The following ZNF429 variants were observed in gnomAD, a reference collection of about 807,000 sequenced individuals.
ZNF429 encodes zinc finger protein 429.
A neutral mutation model predicts 56.8 loss-of-function variants in ZNF429; 53 were observed. The ratio of observed to expected loss-of-function variants is 0.93; its 90% CI spans 0.75 to 1.17. The LOEUF (loss-of-function observed/expected upper bound fraction) is 1.17. ZNF429 is among the 50% of genes most tolerant of loss of function. ZNF429 has a pLI of 0.00. For synonymous variants in ZNF429, 278 were observed against 264.7 expected (o/e 1.05, Z -0.49); for missense variants, 849 against 788.4 (o/e 1.08, Z -0.92).
At position 21,528,001 on chromosome 19, in the gene ZNF429, T is replaced by G. The variant is rs558125592; in HGVS notation, c.4-1657T>G. Reference sequence around the variant, plus strand: ...CCTCCCTAATGAGTTTAACTACTTTTTAAAATTCTTATGATAGTCAAGGGT... The same window carrying G: ...CCTCCCTAATGAGTTTAACTACTTTGTAAAATTCTTATGATAGTCAAGGGT... On this transcript the variant is annotated intron_variant, in intron 1 of 3. Coordinates refer to ENST00000358491, the MANE Select transcript of ZNF429 (RefSeq NM_001001415.4). 7.2e-5 allele frequency among the ~76,000 whole-genome samples: 11 copies of G among 152,338 alleles called. No homozygotes were observed. In the South Asian group the frequency reaches 2.3e-3, roughly 32 times the overall value.
intron 1 of ZNF429, among the ~76,000 whole-genome samples, chr19:21,523,160 T>C (rs1306848381): frequency 6.6e-6 from 1 of 152,158 alleles, no homozygotes; most frequent in East Asian, 1.9e-4. Flanking sequence ...CACTTTCCCC[T>C]TCCTCCTCTT....
rs1032018732 is a variant in ZNF429, at chr19:21,539,237, GAT to G, written c.*1162_*1163del. ...TACATGTATTAAATACATAGAATAT[GAT>G]ATTTAATACATAGAAAAGTCTACAT... On this transcript the variant is annotated 3_prime_UTR_variant, in exon 4 of 4. Coordinates refer to ENST00000358491, the MANE Select transcript of ZNF429 (RefSeq NM_001001415.4). Among the ~76,000 whole-genome samples, 2 of 151,904 alleles carry G rather than the reference GAT, an allele frequency of 1.3e-5. No individual in the cohort carries two copies. Among genetic ancestry groups the G allele is most frequent in the Non-Finnish European group, 2.9e-5 (2 of 67,990 alleles).
At chr19:21,515,832 A>G (rs980778915) in intron 1 of ZNF429, among the ~76,000 whole-genome samples, 3 of 152,152 alleles carry the variant, frequency 2.0e-5, no homozygotes, top group African/African-American at 7.2e-5. Flanking sequence ...AGCACTATTT[A>G]TTAAACAGAA....
chr19:21,511,152 G>T (rs1446281176), intron 1 of ZNF429, among the ~76,000 whole-genome samples: 1 of 152,066 alleles, frequency 6.6e-6, no homozygotes, highest in Non-Finnish European at 1.5e-5. Flanking sequence ...TCCCAGAAGG[G>T]GCGGCCAGGC....
chr19:21,524,602 C>T (rs763864943), intron 1 of ZNF429, among the ~76,000 whole-genome samples: 12 of 152,076 alleles, frequency 7.9e-5, no homozygotes, highest in East Asian at 3.9e-4. Flanking sequence ...CAAATCAGGA[C>T]GGGTGATCCA....
At position 21,537,279 on chromosome 19, in the gene ZNF429, C is replaced by T; in HGVS notation, c.1226C>T (p.Ser409Phe). Reference protein sequence around the residue: ...FEKCGRVFTCSSTLTQDKKIH... With the variant: ...FEKCGRVFTCFSTLTQDKKIH... ...AAATGTGGCAGAGTTTTTACCTGTT[C>T]CTCAACACTTACTCAAGACAAGAAA... The change falls in exon 4 of 4, where the codon TCC becomes TTC. Residue 409 changes from serine to phenylalanine, a missense_variant. By Grantham distance (155) the Ser-to-Phe change is radical (BLOSUM62 -2). Transcript: ENST00000358491. 1 of 1,613,750 alleles carries T rather than the reference C, an allele frequency of 6.2e-7. No homozygotes were observed. Among genetic ancestry groups the T allele is most frequent in the Non-Finnish European group, 8.5e-7 (1 of 1,179,928 alleles).
In ZNF429 at chr19:21,536,420, T is replaced by A; in HGVS notation, c.367T>A (p.Cys123Ser). The A allele has an allele frequency of 6.2e-7, 1 of 1,613,916 alleles. No homozygotes were observed. The highest frequency in any genetic ancestry group is 2.2e-5 in the East Asian group (1 of 44,810). The change falls in exon 4 of 4, where the codon TGT becomes AGT. Residue 123 changes from cysteine (C) to serine (S), a missense_variant. Coordinates refer to ENST00000358491, the MANE Select transcript of ZNF429 (RefSeq NM_001001415.4). Reference sequence around the variant, plus strand: ...AAAAGGCTATAAAACTGTAGGTGATTGTAAGCTATACAAAGGAGGTTATAA... The same window carrying A: ...AAAAGGCTATAAAACTGTAGGTGATAGTAAGCTATACAAAGGAGGTTATAA... ...LRKGYKTVGDCKLYKGGYNGL... is the reference protein window; with the variant it reads ...LRKGYKTVGDSKLYKGGYNGL...
At chr19:21,527,698 G>T (rs918224699) in intron 1 of ZNF429, among the ~76,000 whole-genome samples, 4 of 152,160 alleles carry the variant, frequency 2.6e-5, no homozygotes, top group African/African-American at 9.7e-5. Context: ...ACAGAAATGG[G>T]TGGACTTTTT....
chr19:21,530,744 G>T, intron 3 of ZNF429, 60 bp downstream of exon 3: 2 of 1,249,110 alleles, frequency 1.6e-6, no homozygotes. Context: ...CAATAAGAAA[G>T]CCAGTCCTTA....
Position 21,520,162 on chromosome 19 carries a change from A to G in ZNF429, c.4-9496A>G, listed in dbSNP as rs554010867. Among the ~76,000 whole-genome samples, 3 of 152,156 alleles carry G rather than the reference A, an allele frequency of 2.0e-5. No homozygotes were observed. The East Asian group carries it at 5.8e-4, about 29-fold the overall frequency. On this transcript the variant is annotated intron_variant, in intron 1 of 3. Transcript: ENST00000358491. ...GCATGAGCCACTGTGCCCAGCCAACACCCATGGATTTTTTTAGAACACCTT... is the reference window on the plus strand; with the variant it reads ...GCATGAGCCACTGTGCCCAGCCAACGCCCATGGATTTTTTTAGAACACCTT...
chr19:21,506,443 C>A (rs12979630), intron 1 of ZNF429, among the ~76,000 whole-genome samples: 31,298 of 98,616 alleles, frequency 0.32, 3,502 homozygotes, highest in South Asian at 0.41. Context: ...CTATCTCAAA[C>A]AAAAAAAAAA....
chr19:21,516,144 C>CT (rs1245205281), intron 1 of ZNF429, among the ~76,000 whole-genome samples: 1 of 152,122 alleles, frequency 6.6e-6, no homozygotes, highest in East Asian at 1.9e-4. Context: ...TCTTGGCTCA[C>CT]TGCAACCTCT....
rs767695758 is a variant in ZNF429 at position 21,538,067 on chromosome 19, C to G, written c.2014C>G (p.Arg672Gly). 4.6e-6 allele frequency: 6 copies of G among 1,299,710 alleles called. No individual in the cohort carries two copies. The highest frequency in any genetic ancestry group is 6.6e-6 in the Non-Finnish European group (6 of 915,288). 80.5% of individuals were successfully genotyped at this position (1,299,710 alleles called of 1,614,324 possible). Residue 672 changes from arginine (R) to glycine (G), a missense_variant, in exon 4 of 4, where the codon CGT (arginine) becomes GGT (glycine). Arg to Gly is a moderately radical substitution (Grantham distance 125). Coordinates refer to ENST00000358491, the MANE Select transcript of ZNF429 (RefSeq NM_001001415.4). ...GATCACGAGGTCAGGAGATCGAGACCGTCCTGGCTAACATGGTGAAACCCC... is the reference window on the plus strand; with the variant it reads ...GATCACGAGGTCAGGAGATCGAGACGGTCCTGGCTAACATGGTGAAACCCC... ...GRITRSGDRD[R>G]PG is the part of the protein sequence containing the mutation.
intron 3 of ZNF429, among the ~76,000 whole-genome samples, chr19:21,535,395 T>C: frequency 2.0e-5 from 1 of 49,398 alleles, no homozygotes; most frequent in African/African-American, 1.9e-4. Flanking sequence ...CTTTCTTTCT[T>C]TCTTTCTTTC....
At chr19:21,526,914 T>G (rs1186765904) in intron 1 of ZNF429, among the ~76,000 whole-genome samples, 5 of 152,126 alleles carry the variant, frequency 3.3e-5, no homozygotes, top group East Asian at 3.9e-4. Context: ...CACTTCTCTG[T>G]CCAAGTCGGA....
chr19:21,539,546 T>G lies in ZNF429; in HGVS notation c.*1468T>G, dbSNP rs1277113421. 6.6e-6 allele frequency among the ~76,000 whole-genome samples: 1 copy of G among 151,836 alleles called. No homozygotes were observed. Among genetic ancestry groups the G allele is most frequent in the African/African-American group, 2.4e-5 (1 of 41,382 alleles). On this transcript the variant is annotated 3_prime_UTR_variant, in exon 4 of 4. Coordinates refer to ENST00000358491, the MANE Select transcript of ZNF429 (RefSeq NM_001001415.4). ...AAGCAGTTCTCCTGCCACAGCCTCC[T>G]GAGTAGCTGGGAATACAGGCATACA...
chr19:21,530,202 A>T, intron 2 of ZNF429, among the ~76,000 whole-genome samples: 1 of 152,034 alleles, frequency 6.6e-6, no homozygotes, highest in African/African-American at 2.4e-5. Flanking sequence ...AAAAAAAAAA[A>T]AAAAAAGTTT....
chr19:21,509,451 T>G (rs2032348846), intron 1 of ZNF429, among the ~76,000 whole-genome samples: 1 of 152,228 alleles, frequency 6.6e-6, no homozygotes, highest in Non-Finnish European at 1.5e-5. Flanking sequence ...TTTCGAACAC[T>G]TAGTTTCAAA....
At chr19:21,509,224 C>T (rs1037954052) in intron 1 of ZNF429, among the ~76,000 whole-genome samples, 5 of 152,090 alleles carry the variant, frequency 3.3e-5, no homozygotes, top group Admixed American at 1.3e-4. Flanking sequence ...CCAGGCTTGT[C>T]TCGAACTCCT....
Sources: gnomAD v4.1 joint callset for allele counts (sites outside exome capture counted in the v4.1 genomes callset) on GRCh38, gnomAD v4.1.1 for gene constraint, MANE v1.5 for transcripts, NCBI Gene and HGNC (gene_info 2026-07-23, HGNC 2026-07-21) for gene names.